SYNPR: variants seen among roughly 807,000 people sequenced by gnomAD.
The protein encoded by SYNPR is synaptoporin.
In SYNPR, 23 loss-of-function variants were observed where a neutral mutation model predicts 32.9. The observed-to-expected ratio is 0.70, with a 90% confidence interval of 0.50 to 0.99. SYNPR has a LOEUF of 0.99. SYNPR is among the 50% of genes least tolerant of loss of function. SYNPR has a pLI of 0.00. For missense variants in SYNPR, 318 were observed against 349.3 expected, an observed-to-expected ratio of 0.91 and a Z score of 0.71; for synonymous variants, 146 against 135.9, an observed-to-expected ratio of 1.07 and a Z score of -0.52.
intron 4 of SYNPR, among the ~76,000 whole-genome samples, chr3:63,566,564 TTATTCCTATTA>T (rs1702792282): frequency 6.6e-6 from 1 of 152,076 alleles, no homozygotes; most frequent in Non-Finnish European, 1.5e-5. Flanking sequence ...ACTACCTGCT[TTATTCCTATTA>T]CCCTTGAGGG....
chr3:63,589,059 A>G (rs1185234537), intron 4 of SYNPR, among the ~76,000 whole-genome samples: 1 of 152,086 alleles, frequency 6.6e-6, no homozygotes, highest in Non-Finnish European at 1.5e-5. Flanking sequence ...GAAAGGAACA[A>G]GCAGGTAGTA....
At chr3:63,404,349 G>A (rs1375783750) in intron 2 of SYNPR, among the ~76,000 whole-genome samples, 1 of 152,158 alleles carries the variant, frequency 6.6e-6, no homozygotes, top group East Asian at 1.9e-4. Context: ...TAGTGAAATA[G>A]ATTTCTTAAC....
At chr3:63,459,904 T>C (rs911078404) in intron 2 of SYNPR, among the ~76,000 whole-genome samples, 3 of 152,048 alleles carry the variant, frequency 2.0e-5, no homozygotes, top group African/African-American at 7.2e-5. Flanking sequence ...CCTCATCCAC[T>C]GTCATCCAGT....
intron 2 of SYNPR, among the ~76,000 whole-genome samples, chr3:63,332,289 G>C (rs891400021): frequency 2.0e-5 from 3 of 152,190 alleles, no homozygotes; most frequent in Non-Finnish European, 2.9e-5. Flanking sequence ...GCACAGGAAA[G>C]TGTTCCCTGA....
At chr3:63,347,138 T>A (rs1419389040) in intron 2 of SYNPR, among the ~76,000 whole-genome samples, 1 of 152,214 alleles carries the variant, frequency 6.6e-6, no homozygotes, top group African/African-American at 2.4e-5. Flanking sequence ...TTCACCTAGT[T>A]TATATCAATT....
chr3:63,437,784 G>A (rs1172539489), intron 2 of SYNPR, among the ~76,000 whole-genome samples: 2 of 152,096 alleles, frequency 1.3e-5, no homozygotes, highest in East Asian at 1.9e-4. Flanking sequence ...AACCCATCAC[G>A]GGGACTAAGG....
At position 63,486,234 on chromosome 3, in the gene SYNPR, C is replaced by T. The variant is rs569578415; in HGVS notation, c.209+5278C>T. On this transcript the variant is annotated intron_variant, in intron 3 of 5. Transcript: ENST00000478300. ...ACAAGTCCCTATGACTGTTAAAGGG[C>T]TTTCTCTCACCGCTGGAACCTGTTT... Among the ~76,000 whole-genome samples, 8 of 152,250 alleles carry T rather than the reference C, an allele frequency of 5.3e-5. No homozygotes were observed. The East Asian group carries it at 1.6e-3, about 30-fold the overall frequency.
chr3:63,320,998 A>T (rs954659045), intron 2 of SYNPR, among the ~76,000 whole-genome samples: 7 of 152,048 alleles, frequency 4.6e-5, no homozygotes, highest in Non-Finnish European at 1.0e-4. Flanking sequence ...GCTAGAAAAT[A>T]TGTATTCCAG....
chr3:63,435,184 A>T (rs749256405), intron 2 of SYNPR, among the ~76,000 whole-genome samples: 23 of 152,250 alleles, frequency 1.5e-4, no homozygotes, highest in Non-Finnish European at 1.8e-4. Flanking sequence ...GGAAACAGAC[A>T]ACCCAGGTTC....
At chr3:63,211,650 G>A in the SYNPR span, among the ~76,000 whole-genome samples, 1 of 151,828 alleles carries the variant, frequency 6.6e-6, no homozygotes, top group Non-Finnish European at 1.5e-5. Context: ...AGCTTCCCAG[G>A]GTCTGTAATG....
chr3:63,432,446 C>G (rs1216349321), intron 2 of SYNPR, among the ~76,000 whole-genome samples: 2 of 152,152 alleles, frequency 1.3e-5, no homozygotes, highest in African/African-American at 4.8e-5. Flanking sequence ...AGAAGTGGTT[C>G]TGGGAGTATT....
In SYNPR at chr3:63,537,796, C is replaced by A. The variant is rs546017112; in HGVS notation, c.210-18747C>A. On this transcript the variant is annotated intron_variant, in intron 3 of 5. Transcript: ENST00000478300. The stretch of plus-strand genomic sequence containing the variant: ...TAAATATTTCCCTTCTAAATGTGAG[C>A]TTTTAAGTCAGTCCTCAAGCGACCC... 4.6e-5 allele frequency among the ~76,000 whole-genome samples: 7 copies of A among 152,210 alleles called. No homozygotes were observed. The South Asian group carries it at 1.5e-3, about 32-fold the overall frequency.
chr3:63,391,489 A>G (rs1267347213), intron 2 of SYNPR, among the ~76,000 whole-genome samples: 2 of 152,200 alleles, frequency 1.3e-5, no homozygotes, highest in Non-Finnish European at 1.5e-5. Context: ...ATAAGCATCC[A>G]CTACCATATT....
At chr3:63,495,882 T>C (rs992908724) in intron 3 of SYNPR, among the ~76,000 whole-genome samples, 1 of 152,104 alleles carries the variant, frequency 6.6e-6, no homozygotes, top group African/African-American at 2.4e-5. Flanking sequence ...GATGGATACA[T>C]GTCCTTATAA....
chr3:63,227,785 GC>G (rs2086139678), upstream of SYNPR, among the ~76,000 whole-genome samples: 1 of 152,162 alleles, frequency 6.6e-6, no homozygotes, highest in Admixed American at 6.5e-5. Context: ...CAGGATTCCA[GC>G]AGTAGTCTTC....
At chr3:63,499,409 A>C (rs1258468853) in intron 3 of SYNPR, among the ~76,000 whole-genome samples, 1 of 152,196 alleles carries the variant, frequency 6.6e-6, no homozygotes, top group Non-Finnish European at 1.5e-5. Flanking sequence ...AAGCTGCACC[A>C]GACCAACTCG....
At chr3:63,521,342 C>A (rs779675773) in intron 3 of SYNPR, among the ~76,000 whole-genome samples, 12 of 152,216 alleles carry the variant, frequency 7.9e-5, no homozygotes, top group Non-Finnish European at 1.0e-4. Flanking sequence ...TGTTTAAAAT[C>A]TCATCTCTAG....
intron 3 of SYNPR, among the ~76,000 whole-genome samples, chr3:63,515,064 G>A (rs1257137985): frequency 1.3e-5 from 2 of 152,070 alleles, no homozygotes; most frequent in Non-Finnish European, 2.9e-5. Flanking sequence ...AATGTTCAAC[G>A]GATTCATGAT....
intron 1 of SYNPR, among the ~76,000 whole-genome samples, chr3:63,239,235 C>A (rs986468079): frequency 4.5e-5 from 6 of 133,542 alleles, no homozygotes; most frequent in Admixed American, 3.9e-4. Context: ...TGACCCTTGA[C>A]TAGTAAAGTG....
Sources: gnomAD v4.1 joint callset for allele counts (sites outside exome capture counted in the v4.1 genomes callset) on GRCh38, gnomAD v4.1.1 for gene constraint, MANE v1.5 for transcripts, NCBI Gene and HGNC (gene_info 2026-07-23, HGNC 2026-07-21) for gene names.